MRFAP1L2: variants seen among roughly 807,000 people sequenced by gnomAD.
The protein encoded by MRFAP1L2 is Morf4 family associated protein 1 like 2.
chr4:6,674,345 G>A, the MRFAP1L2 span: 1 of 634,440 alleles, frequency 1.6e-6, no homozygotes, highest in Admixed American at 2.5e-5. Context: ...GCACTGGCGG[G>A]CCCGCAGGAA....
At chr4:6,674,604 C>G in the MRFAP1L2 span, 6 of 601,694 alleles carry the variant, frequency 1.0e-5, no homozygotes, top group Non-Finnish European at 1.8e-5. Context: ...TGGAGCGGAG[C>G]GCGGCGGGGA....
chr4:6,674,278 C>T, the MRFAP1L2 span: 5 of 507,154 alleles, frequency 9.9e-6, no homozygotes, highest in Non-Finnish European at 1.7e-5. Context: ...CGCTGAGCCC[C>T]GCGCCCCGCG....
At chr4:6,674,285 C>T in the MRFAP1L2 span, 8 of 515,326 alleles carry the variant, frequency 1.6e-5, no homozygotes. Context: ...CCCCGCGCCC[C>T]GCGCCGGCCG....
chr4:6,674,945 G>A, the MRFAP1L2 span: 30 of 183,368 alleles, frequency 1.6e-4, no homozygotes, highest in African/African-American at 6.6e-4. Context: ...AGAATATCAA[G>A]CTCAAAATTT....
At chr4:6,675,467 C>G in the MRFAP1L2 span, 4 of 149,008 alleles carry the variant, frequency 2.7e-5, no homozygotes. Context: ...GTGAATGCGA[C>G]TTTGGATGAG....
At chr4:6,674,623 C>T in the MRFAP1L2 span, 4 of 576,582 alleles carry the variant, frequency 6.9e-6, no homozygotes, top group South Asian at 4.0e-5. Context: ...GAGTGTCCCG[C>T]GTGGAAGGCG....
the MRFAP1L2 span, chr4:6,674,343 G>T: frequency 1.6e-6 from 1 of 632,480 alleles, no homozygotes; most frequent in Non-Finnish European, 2.8e-6. Flanking sequence ...GCGCACTGGC[G>T]GGCCCGCAGG....
chr4:6,674,338 C>T, the MRFAP1L2 span: 1 of 629,654 alleles, frequency 1.6e-6, no homozygotes, highest in South Asian at 1.7e-5. Context: ...CCCGGGCGCA[C>T]TGGCGGGCCC....
the MRFAP1L2 span, chr4:6,675,336 G>A: frequency 0.22 from 33,412 of 152,112 alleles, 4,372 homozygotes; most frequent in African/African-American, 0.36. Context: ...GTGCTTTGCT[G>A]TTTTTTTATG....
At chr4:6,674,392 G>C in the MRFAP1L2 span, 1 of 653,696 alleles carries the variant, frequency 1.5e-6, no homozygotes. Context: ...ACGCCATCAA[G>C]AGTGAGGTGG....
the MRFAP1L2 span, chr4:6,674,247 C>T: frequency 1.2e-4 from 49 of 423,478 alleles, no homozygotes; most frequent in South Asian, 3.0e-3. Flanking sequence ...GCGCGGGAGC[C>T]CCGCGAGGAG....
At chr4:6,674,680 G>C in the MRFAP1L2 span, 7,372 of 526,776 alleles carry the variant, frequency 0.014, 489 homozygotes, top group African/African-American at 0.13. Flanking sequence ...CGCTCTCCGC[G>C]GAGTTGGTTT....
the MRFAP1L2 span, chr4:6,674,748 A>C: frequency 2.0e-6 from 1 of 510,130 alleles, no homozygotes; most frequent in South Asian, 2.6e-5. Context: ...GTAAAGAGTC[A>C]TGACCACTGG....
chr4:6,675,473 A>G, the MRFAP1L2 span: 1 of 144,238 alleles, frequency 6.9e-6, no homozygotes, highest in African/African-American at 2.4e-5. Context: ...GCGACTTTGG[A>G]TGAGATTAAG....
At chr4:6,674,414 CG>C in the MRFAP1L2 span, 1 of 653,386 alleles carries the variant, frequency 1.5e-6, no homozygotes, top group Non-Finnish European at 2.7e-6. Context: ...GGCAGAGGAG[CG>C]GGGCGCCCGG....
the MRFAP1L2 span, chr4:6,674,560 C>T: frequency 4.6e-6 from 3 of 658,364 alleles, no homozygotes; most frequent in Non-Finnish European, 8.2e-6. Flanking sequence ...TCGCCGGCTG[C>T]GAGTGCTGCT....
At chr4:6,674,675 T>C in the MRFAP1L2 span, 1 of 527,096 alleles carries the variant, frequency 1.9e-6, no homozygotes, top group African/African-American at 2.0e-5. Context: ...TGCCACGCTC[T>C]CCGCGGAGTT....
the MRFAP1L2 span, chr4:6,675,147 C>G: frequency 6.6e-6 from 1 of 152,310 alleles, no homozygotes; most frequent in Admixed American, 6.5e-5. Flanking sequence ...TGGCGGATGA[C>G]TTCAGCATTA....
At chr4:6,675,927 T>C in the MRFAP1L2 span, 1 of 152,244 alleles carries the variant, frequency 6.6e-6, no homozygotes, top group Non-Finnish European at 1.5e-5. Context: ...CTTGTTATGA[T>C]AAATTTCATT....
Sources: allele counts gnomAD v4.1 joint callset, GRCh38; gene constraint gnomAD v4.1.1; transcripts MANE v1.5; gene names NCBI Gene and HGNC (gene_info 2026-07-23, HGNC 2026-07-21).